NTNG1: variants seen among roughly 807,000 people sequenced by gnomAD.
NTNG1 encodes the protein netrin-G1.
In NTNG1, 16 loss-of-function variants were observed where a neutral mutation model predicts 54.0. The ratio of observed to expected loss-of-function variants is 0.30; its 90% CI spans 0.20 to 0.45. NTNG1 has a LOEUF of 0.45. Among genes scored for constraint, NTNG1 ranks in the 20% least tolerant of loss-of-function variants. The pLI, the probability that NTNG1 is intolerant of heterozygous loss-of-function variation, is 1.00. For synonymous variants in NTNG1, 255 were observed against 263.1 expected, an observed-to-expected ratio of 0.97 and a Z score of 0.30; for missense variants, 530 against 678.7, an observed-to-expected ratio of 0.78 and a Z score of 2.43.
chr1:107,341,306 T>C (rs1343591088), intron 3 of NTNG1, among the ~76,000 whole-genome samples: 1 of 152,082 alleles, frequency 6.6e-6, no homozygotes, highest in Non-Finnish European at 1.5e-5. Context: ...TCATATCCTA[T>C]TGTACTGCCA....
rs1292099236 is a variant in NTNG1, at chr1:107,378,922, T to C, written c.888-16232T>C. ...AGGCAGATTCACTGTCAACCTTGTA[T>C]CTTACTCTTTGTCATAAAGCTCTTG... On this transcript the variant is annotated intron_variant, in intron 3 of 7. Coordinates refer to ENST00000370068, the MANE Select transcript of NTNG1 (RefSeq NM_001113226.3). Among the ~76,000 whole-genome samples the C allele has an allele frequency of 2.0e-5, 3 of 152,242 alleles. 1 individual carries two copies.
At chr1:107,185,820 T>C in intron 2 of NTNG1, among the ~76,000 whole-genome samples, 1 of 152,150 alleles carries the variant, frequency 6.6e-6, no homozygotes, top group Non-Finnish European at 1.5e-5. Flanking sequence ...TGTTCATTTT[T>C]TAAAAATGCA....
intron 3 of NTNG1, among the ~76,000 whole-genome samples, chr1:107,362,470 G>A (rs879710407): frequency 2.0e-5 from 3 of 152,188 alleles, no homozygotes; most frequent in Non-Finnish European, 4.4e-5. Flanking sequence ...TTTCACTGTG[G>A]CCTCCACTAT....
At chr1:107,222,799 CTTTTTTTTTTTT>C (rs113401472) in intron 2 of NTNG1, among the ~76,000 whole-genome samples, 11 of 109,026 alleles carry the variant, frequency 1.0e-4, no homozygotes, top group Non-Finnish European at 1.9e-4. Context: ...ACCAGTGCTG[CTTTTTTTTTTTT>C]TTTTTTTTTT....
rs1214400737 is a variant in NTNG1, at chr1:107,232,024, A to G, written c.246+83185A>G. On this transcript the variant is annotated intron_variant, in intron 2 of 7. Coordinates refer to ENST00000370068, the MANE Select transcript of NTNG1 (RefSeq NM_001113226.3). ...AGGCCTCTTGATTCAGAAACTCTGA[A>G]TAGCAGCTTGGTACTATGTGGATAT... is the stretch of plus-strand genomic sequence containing the variant. 2.0e-5 allele frequency among the ~76,000 whole-genome samples: 3 copies of G among 152,192 alleles called. No homozygotes were observed. In the East Asian group the frequency reaches 5.8e-4, roughly 29 times the overall value.
intron 7 of NTNG1, among the ~76,000 whole-genome samples, chr1:107,458,713 C>T (rs903885112): frequency 1.3e-5 from 2 of 152,108 alleles, no homozygotes; most frequent in African/African-American, 4.8e-5. Context: ...TAATGTCTTA[C>T]CATTAATTAC....
chr1:107,304,018 GAA>G (rs113866125), intron 2 of NTNG1, among the ~76,000 whole-genome samples: 2 of 139,988 alleles, frequency 1.4e-5, no homozygotes, highest in Non-Finnish European at 1.6e-5. Context: ...CCTCTTTTCA[GAA>G]AAAAAAAAAA....
chr1:107,311,093 T>C (rs1397661156), intron 2 of NTNG1, among the ~76,000 whole-genome samples: 2 of 152,068 alleles, frequency 1.3e-5, no homozygotes, highest in Non-Finnish European at 2.9e-5. Context: ...TTGTTCCTTG[T>C]TCTACACCTA....
intron 3 of NTNG1, among the ~76,000 whole-genome samples, chr1:107,342,678 A>G (rs532644686): frequency 6.6e-6 from 1 of 152,222 alleles, no homozygotes; most frequent in South Asian, 2.1e-4. Context: ...AACATTACTA[A>G]TACTCCCCTG....
intron 7 of NTNG1, among the ~76,000 whole-genome samples, chr1:107,471,005 C>T (rs752698770): frequency 6.6e-6 from 1 of 152,166 alleles, no homozygotes; most frequent in Non-Finnish European, 1.5e-5. Flanking sequence ...TTCATGCTAG[C>T]CAGGATACTG....
At chr1:107,340,080 G>T (rs560788451) in intron 3 of NTNG1, among the ~76,000 whole-genome samples, 1 of 152,126 alleles carries the variant, frequency 6.6e-6, no homozygotes, top group East Asian at 1.9e-4. Flanking sequence ...TCTCAATTTC[G>T]TCAAGGTTAT....
chr1:107,307,008 A>C (rs1666733403), intron 2 of NTNG1, among the ~76,000 whole-genome samples: 1 of 152,118 alleles, frequency 6.6e-6, no homozygotes. Context: ...CTGAATTTTA[A>C]TTACTCTGAA....
intron 3 of NTNG1, among the ~76,000 whole-genome samples, chr1:107,372,202 C>A (rs1476855026): frequency 6.6e-6 from 1 of 151,820 alleles, no homozygotes; most frequent in Non-Finnish European, 1.5e-5. Flanking sequence ...ATTAAGCATA[C>A]TTTGGGCTTA....
At chr1:107,285,440 TC>T (rs1665132423) in intron 2 of NTNG1, among the ~76,000 whole-genome samples, 1 of 152,100 alleles carries the variant, frequency 6.6e-6, no homozygotes, top group Non-Finnish European at 1.5e-5. Context: ...ATTAACTTTT[TC>T]CCTTTCAAAG....
At position 107,416,568 on chromosome 1, in the gene NTNG1, A is replaced by G. The variant is rs199699482; in HGVS notation, c.1087+8860A>G. On this transcript the variant is annotated intron_variant, in intron 5 of 7. Coordinates refer to ENST00000370068, the MANE Select transcript of NTNG1 (RefSeq NM_001113226.3). ...CTCAGCACCCTGTGGGAAAAAAATC[A>G]TAAAACACTAAGAAAGGAGTTACAC... is the stretch of plus-strand genomic sequence containing the variant. Among the ~76,000 whole-genome samples the G allele has an allele frequency of 3.3e-5, 5 of 152,102 alleles. No individual in the cohort carries two copies. The East Asian group carries it at 5.8e-4, about 18-fold the overall frequency.
At chr1:107,292,146 T>G (rs1370421474) in intron 2 of NTNG1, among the ~76,000 whole-genome samples, 1 of 152,206 alleles carries the variant, frequency 6.6e-6, no homozygotes, top group Non-Finnish European at 1.5e-5. Context: ...GAAGAAATGG[T>G]CACTCACATT....
At chr1:107,325,273 A>G (rs1667886797) in intron 3 of NTNG1, among the ~76,000 whole-genome samples, 1 of 152,144 alleles carries the variant, frequency 6.6e-6, no homozygotes, top group Admixed American at 6.6e-5. Context: ...GAAATACAAC[A>G]TACCATTGTT....
chr1:107,326,592 A>G (rs1024622222), intron 3 of NTNG1, among the ~76,000 whole-genome samples: 1 of 152,166 alleles, frequency 6.6e-6, no homozygotes, highest in Admixed American at 6.6e-5. Context: ...CTACATGAAT[A>G]ATGGTAAAAA....
intron 3 of NTNG1, among the ~76,000 whole-genome samples, chr1:107,345,761 T>C (rs1669183497): frequency 6.6e-6 from 1 of 152,194 alleles, no homozygotes; most frequent in Admixed American, 6.5e-5. Context: ...AGATTTTCAC[T>C]GTTTTCTCTT....
Sources: allele counts gnomAD v4.1 joint callset (sites outside exome capture counted in the v4.1 genomes callset), GRCh38; gene constraint gnomAD v4.1.1; transcripts MANE v1.5; gene names NCBI Gene and HGNC (gene_info 2026-07-23, HGNC 2026-07-21).